Variants in SCAP observed in about 807,000 individuals in gnomAD.
The protein encoded by SCAP is SREBF chaperone, also known as sterol regulatory element-binding protein cleavage-activating protein.
SCAP carries 65 observed loss-of-function variants against 123.6 expected under a neutral mutation model. The ratio of observed to expected loss-of-function variants is 0.53; its 90% confidence interval spans 0.43 to 0.65. SCAP has a LOEUF of 0.65. Among genes scored for constraint, SCAP ranks in the 30% least tolerant of loss-of-function variants. The probability of loss-of-function intolerance (pLI) is 0.00; values close to 1 mark genes in which losing one functional copy is unlikely to be tolerated. For missense variants in SCAP, 1,398 were observed against 1,712.5 expected (o/e 0.82, Z 3.24); for synonymous variants, 740 against 726.3 (o/e 1.02, Z -0.30).
intron 1 of SCAP, among the ~76,000 whole-genome samples, chr3:47,463,432 T>A (rs1174777458): frequency 6.6e-6 from 1 of 152,176 alleles, no homozygotes; most frequent in African/African-American, 2.4e-5. Flanking sequence ...CGGGGTGCGG[T>A]GGCTCGTGCC....
At chr3:47,436,758 G>A (rs1393408930) in intron 2 of SCAP, among the ~76,000 whole-genome samples, 1 of 152,176 alleles carries the variant, frequency 6.6e-6, no homozygotes, top group East Asian at 1.9e-4. Context: ...ATAAAGTGCA[G>A]TAAGTTTTTA....
At chr3:47,452,478 CTCAGGCAT>C (rs1358729913) in intron 1 of SCAP, among the ~76,000 whole-genome samples, 2 of 152,194 alleles carry the variant, frequency 1.3e-5, no homozygotes, top group Non-Finnish European at 2.9e-5. Context: ...TACAAAGCAC[CTCAGGCAT>C]TCTGGAAGAA....
In SCAP at chr3:47,420,195, T is replaced by C. The variant is rs561227086; in HGVS notation, c.1563+359A>G. Among the ~76,000 whole-genome samples the C allele has an allele frequency of 1.3e-5, 2 of 152,290 alleles. No individual in the cohort carries two copies. The highest frequency in any genetic ancestry group is 2.1e-4 in the South Asian group (1 of 4,824). ...TGGTGAATGATTTTGCCCAGCACTT[T>C]CCAGTGTCTGCACACCATGCAGCGG... On this transcript the variant is annotated intron_variant, in intron 12 of 22. Transcript: ENST00000265565. This position sits in a 1 kb window ranked among gnomAD's most constrained non-coding sequence, Gnocchi z 5.0.
Position 47,425,987 on chromosome 3 carries a change from A to G in SCAP, c.910+10T>C, listed in dbSNP as rs775367542. 2 of 1,614,042 alleles carry G rather than the reference A, an allele frequency of 1.2e-6. No individual in the cohort carries two copies. Among genetic ancestry groups the G allele is most frequent in the East Asian group, 2.2e-5 (1 of 44,884 alleles). ...GGAGAAAGCCCTCAGCCTCCCTGCC[A>G]TGAACCTACGCGTGGAGAAGTAGAT... is the stretch of plus-strand genomic sequence containing the variant. On this transcript the variant is annotated intron_variant, in intron 7 of 22. Coordinates refer to ENST00000265565, the MANE Select transcript of SCAP (RefSeq NM_012235.4).
At chr3:47,452,279 CT>C (rs1473369209) in intron 1 of SCAP, among the ~76,000 whole-genome samples, 1 of 152,170 alleles carries the variant, frequency 6.6e-6, no homozygotes, top group Non-Finnish European at 1.5e-5. Context: ...ATCCCGGCTA[CT>C]CAGGAGACTG....
chr3:47,453,266 G>A (rs752744947), intron 1 of SCAP, among the ~76,000 whole-genome samples: 21 of 152,032 alleles, frequency 1.4e-4, no homozygotes, highest in Non-Finnish European at 2.5e-4. Context: ...CTTATGGCCA[G>A]GCACAGTGGC....
intron 9 of SCAP, among the ~76,000 whole-genome samples, chr3:47,422,989 T>C (rs1310216843): frequency 4.6e-5 from 7 of 152,212 alleles, no homozygotes; most frequent in Non-Finnish European, 8.8e-5. Flanking sequence ...AGCCCCTTCC[T>C]GTAGTGAGCC....
chr3:47,418,892 CT>C, intron 13 of SCAP, 49 bp from the exon 14 acceptor site: 1 of 1,458,414 alleles, frequency 6.9e-7, no homozygotes, highest in Non-Finnish European at 9.0e-7. Flanking sequence ...CCAGGGCTTC[CT>C]CCTGCTGTGC....
At chr3:47,469,951 G>A (rs1707969981) in intron 1 of SCAP, 1 of 387,898 alleles carries the variant, frequency 2.6e-6, no homozygotes, top group Non-Finnish European at 5.2e-6. Context: ...ATTGTGAAGA[G>A]AGAAGCGGTT....
At position 47,473,072 on chromosome 3, in the gene SCAP, C is replaced by T. The variant is rs539471980; in HGVS notation, c.-99+2727G>A. ...TCCAGCCTGGGCAAGAAGAGCGAAA[C>T]TCCATCTCAAAAAAAAAAAAAAAAA... On this transcript the variant is annotated intron_variant, in intron 1 of 22. Coordinates refer to ENST00000265565, the MANE Select transcript of SCAP (RefSeq NM_012235.4). 4.8e-4 allele frequency among the ~76,000 whole-genome samples: 13 copies of T among 27,090 alleles called. No individual in the cohort carries two copies. The South Asian group carries it at 0.018, about 38-fold the overall frequency. The allele number at this position is 27,090 out of a possible 152,430, so 17.8% of individuals were successfully genotyped here. A position where few individuals can be genotyped will look rare whatever the true frequency, so the allele number is the denominator to read the frequency against.
chr3:47,414,661 G>C lies in SCAP; in HGVS notation c.3307-9C>G. 1 of 1,613,216 alleles carries C rather than the reference G, an allele frequency of 6.2e-7. No homozygotes were observed. Among genetic ancestry groups the C allele is most frequent in the East Asian group, 2.2e-5 (1 of 44,886 alleles). ...TCCTCCAGACGGAACACCTGGGACAGGGATGGGCCTCAGGTTCTGGTCTCT... is the reference window on the plus strand; with the variant it reads ...TCCTCCAGACGGAACACCTGGGACACGGATGGGCCTCAGGTTCTGGTCTCT... On this transcript the variant is annotated splice_polypyrimidine_tract_variant and intron_variant, in intron 20 of 22. Transcript: ENST00000265565.
intron 1 of SCAP, among the ~76,000 whole-genome samples, chr3:47,456,797 T>C (rs1707443697): frequency 6.6e-6 from 1 of 151,862 alleles, no homozygotes; most frequent in African/African-American, 2.4e-5. Flanking sequence ...AAAAAAAAGA[T>C]AAATAAGATC....
intron 8 of SCAP, 31 bp downstream of exon 8, chr3:47,425,454 T>G: frequency 6.2e-7 from 1 of 1,607,584 alleles, no homozygotes; most frequent in Non-Finnish European, 8.5e-7. Flanking sequence ...GAGCCCACCC[T>G]GTGGCCCAGT....
chr3:47,471,340 T>C (rs949814144), intron 1 of SCAP, among the ~76,000 whole-genome samples: 1 of 152,198 alleles, frequency 6.6e-6, no homozygotes, highest in Non-Finnish European at 1.5e-5. Flanking sequence ...ATGTATTTTA[T>C]AGTAAAACCT....
At chr3:47,462,771 A>AG (rs1553650390) in intron 1 of SCAP, among the ~76,000 whole-genome samples, 18 of 143,598 alleles carry the variant, frequency 1.3e-4, no homozygotes, top group East Asian at 4.1e-4. Flanking sequence ...AAAAAAAAAA[A>AG]AAAGAAAGAA....
rs1189417998 is a variant in SCAP, at chr3:47,414,378, C to T, written c.3396G>A (p.Val1132=). 2 of 1,612,610 alleles carry T rather than the reference C, an allele frequency of 1.2e-6. No homozygotes were observed. The highest frequency in any genetic ancestry group is 1.7e-6 in the Non-Finnish European group (2 of 1,180,020). ...ITTVYIDQTM[V]LASGGQDGAI... is the part of the protein sequence containing the mutation. Reference sequence around the variant, plus strand: ...CCCCATCTTGTCCTCCACTGGCCAGCACCATGGTCTGGGGAAACAGGCCAG... The same window carrying T: ...CCCCATCTTGTCCTCCACTGGCCAGTACCATGGTCTGGGGAAACAGGCCAG... Residue 1132 remains valine (V), a synonymous_variant, in exon 22 of 23, where the codon GTG becomes GTA. Coordinates refer to ENST00000265565, the MANE Select transcript of SCAP (RefSeq NM_012235.4).
intron 1 of SCAP, among the ~76,000 whole-genome samples, chr3:47,467,538 G>A (rs1707869764): frequency 6.6e-6 from 1 of 151,924 alleles, no homozygotes; most frequent in African/African-American, 2.4e-5. Flanking sequence ...CCAGAGGCTT[G>A]AGGCTGCAGT....
Position 47,414,228 on chromosome 3 carries a change from G to A in SCAP, c.3546C>T (p.Ile1182=). ...CVISSGLDDL[I]SIWDRSTGIK... Reference sequence around the variant, plus strand: ...TGCCTGTGCTGCGGTCCCAGATGCTGATGAGGTCATCCAGGCCACTGCTGA... The same window carrying A: ...TGCCTGTGCTGCGGTCCCAGATGCTAATGAGGTCATCCAGGCCACTGCTGA... Residue 1182 remains isoleucine, a synonymous_variant, in exon 22 of 23, where the codon ATC becomes ATT. Transcript: ENST00000265565. The A allele has an allele frequency of 1.9e-6, 3 of 1,613,736 alleles. No homozygotes were observed. The highest frequency in any genetic ancestry group is 2.5e-6 in the Non-Finnish European group (3 of 1,180,034).
At chr3:47,437,422 CAAAAAAAAA>C (rs35011639) in intron 2 of SCAP, among the ~76,000 whole-genome samples, 34 of 63,188 alleles carry the variant, frequency 5.4e-4, no homozygotes, top group Non-Finnish European at 7.5e-4. Context: ...AACTCAATCT[CAAAAAAAAA>C]AAAAAAAAAA....
Sources: gnomAD v4.1 joint callset for allele counts (sites outside exome capture counted in the v4.1 genomes callset) on GRCh38, gnomAD v4.1.1 for gene constraint, Gnocchi (gnomAD v3.1) non-coding constraint, MANE v1.5 for transcripts, NCBI Gene and HGNC (gene_info 2026-07-23, HGNC 2026-07-21) for gene names.